The following CELF1 variants were observed in gnomAD, a reference collection of about 807,000 sequenced individuals.
CELF1 encodes the protein 50 kDa nuclear polyadenylated RNA-binding protein.
Under a neutral mutation model 61.8 loss-of-function variants are expected in CELF1, and 10 were observed. The ratio of observed to expected loss-of-function variants is 0.16; its 90% CI spans 0.10 to 0.27. The LOEUF is 0.27. CELF1 is among the 10% of genes least tolerant of loss of function. CELF1 has a pLI of 1.00. For missense variants in CELF1, 380 were observed against 639.1 expected, an observed-to-expected ratio of 0.59 and a Z score of 4.37; for synonymous variants, 236 against 225.1, an observed-to-expected ratio of 1.05 and a Z score of -0.43.
intron 1 of CELF1, among the ~76,000 whole-genome samples, chr11:47,533,631 A>ATAC (rs1555188496): frequency 1.4e-4 from 4 of 29,444 alleles, no homozygotes; most frequent in African/African-American, 4.5e-4. Context: ...TCAAAAAATA[A>ATAC]ATAAATACAT....
chr11:47,558,334 A>G (rs1259537658), intron 2 of CELF1, among the ~76,000 whole-genome samples: 4 of 150,062 alleles, frequency 2.7e-5, no homozygotes, highest in Non-Finnish European at 4.4e-5. Flanking sequence ...ATTTCCTATG[A>G]GTGTTTTATA....
In CELF1 at chr11:47,529,967, TCA is replaced by T. The variant is rs547041171; in HGVS notation, c.-154+23023_-154+23024del. ...ATGAGAACAGCTATTGCCTTATGCCTCAGTTTGTAAAGAGTATATAAAAGAAA... is the reference window on the plus strand; with the variant it reads ...ATGAGAACAGCTATTGCCTTATGCCTGTTTGTAAAGAGTATATAAAAGAAA... On this transcript the variant is annotated intron_variant, in intron 1 of 14. Transcript: ENST00000687097. Among the ~76,000 whole-genome samples the T allele has an allele frequency of 7.9e-5, 12 of 152,270 alleles. No homozygotes were observed. In the East Asian group the frequency reaches 1.7e-3, roughly 22 times the overall value.
intron 8 of CELF1, 109 bp downstream of exon 8, chr11:47,483,344 T>G: frequency 1.2e-6 from 1 of 822,812 alleles, no homozygotes; most frequent in Non-Finnish European, 2.1e-6. Context: ...ATGTTGGCTG[T>G]TTAACCTTCT....
At chr11:47,551,741 G>C (rs1439811274) in intron 1 of CELF1, among the ~76,000 whole-genome samples, 1 of 152,142 alleles carries the variant, frequency 6.6e-6, no homozygotes, top group Admixed American at 6.5e-5. Flanking sequence ...GGGCGGGGGC[G>C]GTGGCTCACG....
Position 47,483,644 on chromosome 11 carries a change from T to C in CELF1, c.527-112A>G, listed in dbSNP as rs191907257. ...GCTAGCAATACAGACACAGTCCCTG[T>C]TTTCAGGGAATCATGTGCTGGTATG... is the stretch of plus-strand genomic sequence containing the variant. On this transcript the variant is annotated intron_variant, in intron 7 of 14. Coordinates refer to ENST00000687097, the MANE Select transcript of CELF1 (RefSeq NM_001376376.1). 27 of 760,658 alleles carry C rather than the reference T, an allele frequency of 3.5e-5. No homozygotes were observed. The East Asian group carries it at 5.6e-4, about 16-fold the overall frequency. 47.1% of individuals were successfully genotyped at this position (760,658 alleles called of 1,614,324 possible). A position where few individuals can be genotyped will look rare whatever the true frequency, so the allele number is the denominator to read the frequency against.
intron 1 of CELF1, among the ~76,000 whole-genome samples, chr11:47,548,638 G>A (rs1333873555): frequency 6.6e-6 from 1 of 151,960 alleles, no homozygotes; most frequent in East Asian, 1.9e-4. Context: ...GGTCGAGGCG[G>A]GCGGATCACC....
rs1009963666 is a variant in CELF1, at chr11:47,552,663, TGGCCCTG to T, written c.-154+322_-154+328del. On this transcript the variant is annotated intron_variant, in intron 1 of 14. Transcript: ENST00000687097. ...GCCAGAAAGACGAGGAAAACGGAGC[TGGCCCTG>T]GGCAGGGCACGAGGCCTCTGAGCCT... 1.2e-4 allele frequency among the ~76,000 whole-genome samples: 18 copies of T among 152,198 alleles called. No individual in the cohort carries two copies. In the East Asian group the frequency reaches 3.1e-3, roughly 26 times the overall value.
intron 14 of CELF1, among the ~76,000 whole-genome samples, chr11:47,472,783 G>A (rs968981328): frequency 1.4e-4 from 21 of 152,154 alleles, no homozygotes; most frequent in Non-Finnish European, 2.9e-4. Flanking sequence ...AGGCTCAAGC[G>A]ATCCTCCTGC....
chr11:47,532,261 C>A (rs1169912631), intron 1 of CELF1, among the ~76,000 whole-genome samples: 1 of 152,172 alleles, frequency 6.6e-6, no homozygotes. Flanking sequence ...AACTCCTGAC[C>A]TCAGGTGATC....
At chr11:47,548,511 A>G (rs2153751018) in intron 1 of CELF1, among the ~76,000 whole-genome samples, 1 of 152,348 alleles carries the variant, frequency 6.6e-6, no homozygotes, top group Middle Eastern at 3.4e-3. Context: ...ACAAAGTGAA[A>G]GACAAATTAC....
intron 1 of CELF1, among the ~76,000 whole-genome samples, chr11:47,531,966 T>C (rs1408724561): frequency 6.6e-6 from 1 of 152,224 alleles, no homozygotes; most frequent in Non-Finnish European, 1.5e-5. Context: ...CAAGCATGAC[T>C]TAAATGGAGA....
At chr11:47,480,894 G>T (rs965025987) in intron 9 of CELF1, among the ~76,000 whole-genome samples, 3 of 152,012 alleles carry the variant, frequency 2.0e-5, no homozygotes, top group Non-Finnish European at 4.4e-5. Context: ...AAATTAGCCA[G>T]GCGTGGTGGC....
At chr11:47,541,713 A>G (rs1194810840) in intron 1 of CELF1, among the ~76,000 whole-genome samples, 1 of 21,976 alleles carries the variant, frequency 4.6e-5, no homozygotes, top group African/African-American at 2.0e-4. Context: ...AAAGAAAGAA[A>G]GAAAGAAAGA....
intron 1 of CELF1, among the ~76,000 whole-genome samples, chr11:47,544,720 T>G (rs192976261): frequency 7.9e-5 from 12 of 152,332 alleles, no homozygotes; most frequent in South Asian, 2.1e-4. Context: ...CAATCAACTT[T>G]GGGAGGCTGA....
chr11:47,499,658 TA>T (rs1444133191), intron 2 of CELF1, 54 bp from the exon 3 acceptor site: 22 of 670,372 alleles, frequency 3.3e-5, no homozygotes, highest in South Asian at 1.0e-4. Context: ...AAACCAGCAA[TA>T]AGTGCCACAG....
At position 47,486,816 on chromosome 11, in the gene CELF1, G is replaced by A; in HGVS notation, c.343-18C>T. On this transcript the variant is annotated intron_variant, in intron 5 of 14. Transcript: ENST00000687097. Reference sequence around the variant, plus strand: ...TGATGCATCTGAAAAGGAAAAATATGATTATTATCACTGTATATATTGATG... The same window carrying A: ...TGATGCATCTGAAAAGGAAAAATATAATTATTATCACTGTATATATTGATG... The A allele has an allele frequency of 2.5e-6, 4 of 1,575,352 alleles. No homozygotes were observed. Among genetic ancestry groups the A allele is most frequent in the Non-Finnish European group, 3.5e-6 (4 of 1,144,842 alleles).
chr11:47,564,496 CAA>C (rs969093066), intron 1 of CELF1: 8 of 150,824 alleles, frequency 5.3e-5, no homozygotes, highest in African/African-American at 1.7e-4. Context: ...AAACAAAAAA[CAA>C]AAACTCCACC....
At chr11:47,541,839 T>A (rs1281832208) in intron 1 of CELF1, among the ~76,000 whole-genome samples, 111 of 141,950 alleles carry the variant, frequency 7.8e-4, no homozygotes, top group South Asian at 1.6e-3. Context: ...AGAAAGAAAA[T>A]GGAAACTACT....
intron 2 of CELF1, among the ~76,000 whole-genome samples, chr11:47,559,333 GGGATTATAGGCAT>G (rs1293902150): frequency 1.3e-5 from 2 of 151,100 alleles, no homozygotes; most frequent in African/African-American, 4.9e-5. Flanking sequence ...CCAAAGTGCT[GGGATTATAGGCAT>G]GAGCCACTTC....
Sources: gnomAD v4.1 joint callset for allele counts (sites outside exome capture counted in the v4.1 genomes callset) on GRCh38, gnomAD v4.1.1 for gene constraint, MANE v1.5 for transcripts, NCBI Gene and HGNC (gene_info 2026-07-23, HGNC 2026-07-21) for gene names.